Variants in SV2B observed in about 807,000 individuals in gnomAD.
The protein encoded by SV2B is synaptic vesicle glycoprotein 2B.
Under a neutral mutation model 73.9 loss-of-function variants are expected in SV2B, and 41 were observed. The observed-to-expected ratio is 0.56, with a 90% CI of 0.43 to 0.72. The LOEUF is 0.72. SV2B is among the 30% of genes least tolerant of loss of function. The pLI, the probability that SV2B is intolerant of heterozygous loss-of-function variation, is 0.00. For synonymous variants in SV2B, 314 were observed against 314.2 expected, an observed-to-expected ratio of 1.00 and a Z score of 0.01; for missense variants, 764 against 857.8, an observed-to-expected ratio of 0.89 and a Z score of 1.37.
chr15:91,190,442 C>A (rs1481155018), intron 1 of SV2B, among the ~76,000 whole-genome samples: 2 of 151,564 alleles, frequency 1.3e-5, no homozygotes, highest in Admixed American at 1.3e-4. Flanking sequence ...TGTTCATGAT[C>A]GTAAAGTGAA....
chr15:91,159,599 G>A (rs925390744), intron 1 of SV2B, among the ~76,000 whole-genome samples: 1 of 152,188 alleles, frequency 6.6e-6, no homozygotes, highest in Non-Finnish European at 1.5e-5. Flanking sequence ...TCAATAGCAA[G>A]CATTACATTG....
chr15:91,175,445 G>A (rs890536293), intron 1 of SV2B, among the ~76,000 whole-genome samples: 4 of 151,920 alleles, frequency 2.6e-5, no homozygotes, highest in Admixed American at 6.6e-5. Context: ...TAATAGAGAC[G>A]GGGTTTCACT....
In SV2B at chr15:91,137,454, C is replaced by G. The variant is rs559432070; in HGVS notation, c.-392+37091C>G. Among the ~76,000 whole-genome samples, 2 of 151,692 alleles carry G rather than the reference C, an allele frequency of 1.3e-5. No homozygotes were observed. The highest frequency in any genetic ancestry group is 3.9e-4 in the East Asian group (2 of 5,176). On this transcript the variant is annotated intron_variant, in intron 1 of 12. Coordinates refer to ENST00000394232, the MANE Select transcript of SV2B (RefSeq NM_001323032.3). The surrounding 1 kb of genome is among the most constrained non-coding windows in gnomAD (Gnocchi z 4.9). ...CAGTTAACAAATCACTAGTGAGTAACTGTGTGTCAGGCATGAGGTGGAAGA... is the reference window on the plus strand; with the variant it reads ...CAGTTAACAAATCACTAGTGAGTAAGTGTGTGTCAGGCATGAGGTGGAAGA...
At position 91,236,363 on chromosome 15, in the gene SV2B, C is replaced by T. The variant is rs887637288; in HGVS notation, c.451+9649C>T. On this transcript the variant is annotated intron_variant, in intron 2 of 12. Transcript: ENST00000394232. The surrounding 1 kb of genome is among the most constrained non-coding windows in gnomAD (Gnocchi z 4.1). ...TTTGCTTCCACAATGGAAAACTTCA[C>T]CAAGAACAAAAAAGACCCATAAGAC... Among the ~76,000 whole-genome samples the T allele has an allele frequency of 6.6e-6, 1 of 152,026 alleles. No homozygotes were observed. Among genetic ancestry groups the T allele is most frequent in the African/African-American group, 2.4e-5 (1 of 41,384 alleles).
In SV2B at chr15:91,267,804, A is replaced by C. The variant is rs1194521634; in HGVS notation, c.1208+161A>C. Among the ~76,000 whole-genome samples, 2 of 134,500 alleles carry C rather than the reference A, an allele frequency of 1.5e-5. No individual in the cohort carries two copies. Among genetic ancestry groups the C allele is most frequent in the East Asian group, 3.9e-4 (2 of 5,086 alleles). The allele number at this position is 134,500 out of a possible 152,430, so 88.2% of individuals were successfully genotyped here. The stretch of plus-strand genomic sequence containing the variant: ...CTCTAGTGGCTTCTACAAAGAAGAA[A>C]CTTTTTTTTTTTTTTTTGAGACAGA... On this transcript the variant is annotated intron_variant, in intron 8 of 12. Transcript: ENST00000394232. The surrounding 1 kb of genome is among the most constrained non-coding windows in gnomAD (Gnocchi z 4.3).
intron 1 of SV2B, among the ~76,000 whole-genome samples, chr15:91,189,118 G>C (rs2044899131): frequency 6.6e-6 from 1 of 152,104 alleles, no homozygotes; most frequent in Admixed American, 6.5e-5. Flanking sequence ...GAGCACGGCT[G>C]TACGTCCTAT....
At chr15:91,270,200 A>G (rs1482624094) in intron 9 of SV2B, among the ~76,000 whole-genome samples, 1 of 152,164 alleles carries the variant, frequency 6.6e-6, no homozygotes, top group East Asian at 1.9e-4. Flanking sequence ...GAAGTTCCCA[A>G]TGTTTAGTGA....
At chr15:91,191,049 T>G (rs1269214395) in intron 1 of SV2B, among the ~76,000 whole-genome samples, 1 of 149,026 alleles carries the variant, frequency 6.7e-6, no homozygotes. Flanking sequence ...ACCCTGGTGG[T>G]TTTTTTGGTG....
rs566039068 is a variant in SV2B, at chr15:91,282,436, C to T, written c.1507+575C>T. 5.1e-4 allele frequency among the ~76,000 whole-genome samples: 78 copies of T among 152,174 alleles called. No individual in the cohort carries two copies. In the South Asian group the frequency reaches 7.5e-3, roughly 15 times the overall value. ...CACCTCTTCTTGTTACTTTTACTAC[C>T]CTCATCATAAATTAATAACATACCA... is the stretch of plus-strand genomic sequence containing the variant. On this transcript the variant is annotated intron_variant, in intron 10 of 12. Transcript: ENST00000394232.
intron 9 of SV2B, among the ~76,000 whole-genome samples, chr15:91,270,955 C>T (rs112274830): frequency 6.4e-5 from 9 of 139,830 alleles, no homozygotes; most frequent in African/African-American, 1.4e-4. Context: ...GATGGGAGGA[C>T]GGTGAGTCCT....
chr15:91,271,116 G>C (rs2048303501), intron 9 of SV2B, among the ~76,000 whole-genome samples: 1 of 152,126 alleles, frequency 6.6e-6, no homozygotes, highest in African/African-American at 2.4e-5. Flanking sequence ...ATGATGGGTG[G>C]ATGGTGAATC....
intron 1 of SV2B, among the ~76,000 whole-genome samples, chr15:91,176,158 T>C (rs1370013221): frequency 1.3e-5 from 2 of 152,016 alleles, no homozygotes; most frequent in Admixed American, 6.6e-5. Flanking sequence ...TTTGTCCTTG[T>C]GATAGTTTAC....
At position 91,268,643 on chromosome 15, in the gene SV2B, G is replaced by A. The variant is rs780571635; in HGVS notation, c.1373+38G>A. On this transcript the variant is annotated intron_variant, in intron 9 of 12. Transcript: ENST00000394232. This position sits in a 1 kb window ranked among gnomAD's most constrained non-coding sequence, Gnocchi z 4.4. ...TCACGGGCTTCCCTCACATCAGGGT[G>A]ACAGTCGTGGGGACTGTTATTGGGA... is the stretch of plus-strand genomic sequence containing the variant. The A allele has an allele frequency of 6.3e-7, 1 of 1,595,462 alleles. No individual in the cohort carries two copies. The highest frequency in any genetic ancestry group is 2.3e-5 in the East Asian group (1 of 44,392).
chr15:91,226,108 G>A lies in SV2B; in HGVS notation c.-156G>A, dbSNP rs368305398. The A allele has an allele frequency of 4.9e-5, 34 of 697,606 alleles. No homozygotes were observed. Among genetic ancestry groups the A allele is most frequent in the South Asian group, 3.0e-4 (15 of 49,478 alleles). The allele number at this position is 697,606 out of a possible 1,614,324, so 43.2% of individuals were successfully genotyped here. A position where few individuals can be genotyped will look rare whatever the true frequency, so the allele number is the denominator to read the frequency against. On this transcript the variant is annotated 5_prime_UTR_variant, in exon 2 of 13. Transcript: ENST00000394232. Reference sequence around the variant, plus strand: ...ATCTGGTTGATTTGAGAGATAAAGGGGGGGGGAACCAGTGTGACTTTCACC... The same window carrying A: ...ATCTGGTTGATTTGAGAGATAAAGGAGGGGGGAACCAGTGTGACTTTCACC...
chr15:91,166,746 A>G (rs2043925238), intron 1 of SV2B, among the ~76,000 whole-genome samples: 2 of 151,666 alleles, frequency 1.3e-5, no homozygotes, highest in Non-Finnish European at 2.9e-5. Context: ...TGTTGAATCC[A>G]TACAGGGAGT....
intron 11 of SV2B, among the ~76,000 whole-genome samples, chr15:91,287,204 C>T (rs2048888893): frequency 6.6e-6 from 1 of 152,192 alleles, no homozygotes; most frequent in Non-Finnish European, 1.5e-5. Context: ...AGTTCATCAG[C>T]AAGGATTGGC....
chr15:91,268,372 G>C lies in SV2B; in HGVS notation c.1209-69G>C. ...ATGAGTTTGATCTGCATCAAGTCAAGAGTGTAGACCCTGATCATGAAAGAA... is the reference window on the plus strand; with the variant it reads ...ATGAGTTTGATCTGCATCAAGTCAACAGTGTAGACCCTGATCATGAAAGAA... On this transcript the variant is annotated intron_variant, in intron 8 of 12. Transcript: ENST00000394232. This position sits in a 1 kb window ranked among gnomAD's most constrained non-coding sequence, Gnocchi z 4.4. The C allele has an allele frequency of 6.8e-7, 1 of 1,460,294 alleles. No individual in the cohort carries two copies. Among genetic ancestry groups the C allele is most frequent in the Non-Finnish European group, 9.3e-7 (1 of 1,079,262 alleles). The allele number at this position is 1,460,294 out of a possible 1,614,324, so 90.5% of individuals were successfully genotyped here. A position where few individuals can be genotyped will look rare whatever the true frequency, so the allele number is the denominator to read the frequency against.
At chr15:91,221,690 T>TGTGCACGCGCGCGC (rs142861264) in intron 1 of SV2B, among the ~76,000 whole-genome samples, 59 of 111,058 alleles carry the variant, frequency 5.3e-4, no homozygotes, top group African/African-American at 1.7e-3. Flanking sequence ...ACCAAGCATG[T>TGTGCACGCGCGCGC]GCGCACACAC....
chr15:91,291,631 G>C (rs993769809), intron 12 of SV2B, among the ~76,000 whole-genome samples: 1 of 152,212 alleles, frequency 6.6e-6, no homozygotes, highest in African/African-American at 2.4e-5. Context: ...GTCTTAAGAA[G>C]GTTAAGCATT....
Sources: gnomAD v4.1 joint callset for allele counts (sites outside exome capture counted in the v4.1 genomes callset) on GRCh38, gnomAD v4.1.1 for gene constraint, Gnocchi (gnomAD v3.1) non-coding constraint, MANE v1.5 for transcripts, NCBI Gene and HGNC (gene_info 2026-07-23, HGNC 2026-07-21) for gene names.